The following APC variants were observed in gnomAD, a reference collection of about 807,000 sequenced individuals.
The protein encoded by APC is adenomatous polyposis coli protein.
APC carries 72 observed loss-of-function variants against 247.0 expected under a neutral mutation model. The ratio of observed to expected loss-of-function variants is 0.29; its 90% CI spans 0.24 to 0.35. The LOEUF is 0.35. APC is among the 10% of genes least tolerant of loss of function. The pLI is 1.00. For missense variants in APC, 3,400 were observed against 3,360.7 expected (o/e 1.01, Z -0.29); for synonymous variants, 1,254 against 1,162.5 (o/e 1.08, Z -1.60).
At chr5:112,799,754 GTTCT>G (rs1427081308) in intron 7 of APC, among the ~76,000 whole-genome samples, 6 of 152,088 alleles carry the variant, frequency 3.9e-5, no homozygotes, top group African/African-American at 7.2e-5. Flanking sequence ...TATTCTTTTT[GTTCT>G]ACTTTCCTCC....
chr5:112,768,170 A>C (rs1347358552), intron 4 of APC, among the ~76,000 whole-genome samples: 1 of 151,536 alleles, frequency 6.6e-6, no homozygotes, highest in Non-Finnish European at 1.5e-5. Context: ...CAGTCTCCCA[A>C]GTAGCTGGGA....
chr5:112,818,562 A>G (rs975048130), intron 9 of APC, among the ~76,000 whole-genome samples: 3 of 152,224 alleles, frequency 2.0e-5, no homozygotes, highest in Admixed American at 1.3e-4. Context: ...GAAATAAGAT[A>G]AAGTTTTAAA....
intron 6 of APC, among the ~76,000 whole-genome samples, chr5:112,782,166 T>A (rs1758421367): frequency 6.6e-6 from 1 of 152,156 alleles, no homozygotes; most frequent in Admixed American, 6.5e-5. Context: ...GAGGAACAAG[T>A]CATGTCTTAC....
At chr5:112,826,952 T>G (rs1473027374) in intron 11 of APC, among the ~76,000 whole-genome samples, 156 bp from the exon 12 acceptor site, 2 of 152,218 alleles carry the variant, frequency 1.3e-5, no homozygotes, top group Non-Finnish European at 2.9e-5. Context: ...AGAAGTTCTT[T>G]ATAACAGTTT....
chr5:112,710,047 T>C (rs902972678), intron 1 of APC, among the ~76,000 whole-genome samples: 2 of 152,216 alleles, frequency 1.3e-5, no homozygotes, highest in African/African-American at 4.8e-5. Context: ...TTTGCCTCCC[T>C]GTGTAACCAG....
At chr5:112,824,909 T>C (rs760567011) in intron 11 of APC, among the ~76,000 whole-genome samples, 3 of 152,284 alleles carry the variant, frequency 2.0e-5, no homozygotes, top group Admixed American at 1.3e-4. Flanking sequence ...GCTTCTGTTA[T>C]AGTTTTTGTT....
At chr5:112,716,083 T>C (rs1751155042) in intron 1 of APC, among the ~76,000 whole-genome samples, 1 of 152,170 alleles carries the variant, frequency 6.6e-6, no homozygotes, top group Non-Finnish European at 1.5e-5. Context: ...TAGTCTGTTG[T>C]ATGTTTATTT....
chr5:112,798,370 G>C lies in APC; in HGVS notation c.730-2909G>C, dbSNP rs138142552. Among the ~76,000 whole-genome samples, 669 of 152,226 alleles carry C rather than the reference G, an allele frequency of 4.4e-3. 3 individuals carry two copies. The highest frequency in any genetic ancestry group is 0.01 in the Middle Eastern group (3 of 294). The stretch of plus-strand genomic sequence containing the variant: ...GTCCAGAAAAGGCAAAATTTCTAAA[G>C]ACAAAAAGTACATTAGTGGTTGTCT... On this transcript the variant is annotated intron_variant, in intron 7 of 15. Transcript: ENST00000257430.
chr5:112,780,846 C>T lies in APC; in HGVS notation c.588C>T (p.Ile196=), dbSNP rs147846364. ...AATTGGAATATGAAGCAAGGCAAAT[C>T]AGAGTTGCGATGGAAGAACAACTAG... ...RRQLEYEARQ[I]RVAMEEQLGT... Residue 196 remains isoleucine, a synonymous_variant, in exon 6 of 16, where the codon ATC becomes ATT. Coordinates refer to ENST00000257430, the MANE Select transcript of APC (RefSeq NM_000038.6). 13 of 1,613,382 alleles carry T rather than the reference C, an allele frequency of 8.1e-6. No homozygotes were observed. Among genetic ancestry groups the T allele is most frequent in the African/African-American group, 1.3e-5 (1 of 74,882 alleles).
chr5:112,713,555 G>A (rs1214212327), intron 1 of APC, among the ~76,000 whole-genome samples: 1 of 152,122 alleles, frequency 6.6e-6, no homozygotes, highest in African/African-American at 2.4e-5. Context: ...GAAAACAGAT[G>A]GTGTCAATGA....
intron 6 of APC, among the ~76,000 whole-genome samples, chr5:112,784,248 AG>A (rs1194905121): frequency 1.3e-5 from 2 of 152,084 alleles, no homozygotes; most frequent in African/African-American, 4.8e-5. Flanking sequence ...TTGTATTTTT[AG>A]TAGAAACAGG....
chr5:112,711,081 C>T (rs1750820430), intron 1 of APC, among the ~76,000 whole-genome samples: 1 of 152,208 alleles, frequency 6.6e-6, no homozygotes. Flanking sequence ...CCCCAGGCTG[C>T]AGACAGGTAT....
intron 14 of APC, among the ~76,000 whole-genome samples, chr5:112,831,663 T>C (rs1764316184): frequency 1.3e-5 from 2 of 152,192 alleles, no homozygotes; most frequent in Non-Finnish European, 2.9e-5. Context: ...GAGCTCTTAC[T>C]CTAGAGCTTT....
intron 1 of APC, among the ~76,000 whole-genome samples, chr5:112,717,430 A>G (rs1254477500): frequency 6.6e-6 from 1 of 152,050 alleles, no homozygotes; most frequent in Non-Finnish European, 1.5e-5. Flanking sequence ...TACTTTTCGT[A>G]TGATCTTGCA....
intron 6 of APC, among the ~76,000 whole-genome samples, chr5:112,787,848 A>G (rs1024057378): frequency 2.0e-5 from 3 of 152,130 alleles, no homozygotes; most frequent in Non-Finnish European, 4.4e-5. Context: ...GTAATCTTCT[A>G]TTAGCTCCTT....
intron 1 of APC, among the ~76,000 whole-genome samples, chr5:112,752,732 A>C (rs767174905): frequency 2.0e-5 from 3 of 152,210 alleles, no homozygotes; most frequent in African/African-American, 4.8e-5. Flanking sequence ...GTTTTGGATT[A>C]GGGAGGTATG....
chr5:112,727,304 C>T (rs1751841883), intron 1 of APC, among the ~76,000 whole-genome samples: 1 of 151,614 alleles, frequency 6.6e-6, no homozygotes, highest in Admixed American at 6.6e-5. Context: ...TGTAGCAAGA[C>T]CAAGGAAAGA....
At chr5:112,834,520 G>A (rs1764657203) in intron 14 of APC, among the ~76,000 whole-genome samples, 2 of 152,080 alleles carry the variant, frequency 1.3e-5, no homozygotes, top group Non-Finnish European at 2.9e-5. Context: ...TGGGATTACA[G>A]GCATGAGCCA....
chr5:112,764,531 A>G (rs1303374951), intron 2 of APC, among the ~76,000 whole-genome samples: 1 of 152,220 alleles, frequency 6.6e-6, no homozygotes, highest in Non-Finnish European at 1.5e-5. Context: ...TACAAGGCAA[A>G]GAATAGGCTT....
Sources: allele counts gnomAD v4.1 joint callset (sites outside exome capture counted in the v4.1 genomes callset), GRCh38; gene constraint gnomAD v4.1.1; transcripts MANE v1.5; gene names NCBI Gene and HGNC (gene_info 2026-07-23, HGNC 2026-07-21).